Variants in GPR158 observed in about 807,000 individuals in gnomAD.
The protein encoded by GPR158 is metabotropic glycine receptor.
GPR158 carries 30 observed loss-of-function variants against 78.2 expected under a neutral mutation model. That is an observed-to-expected ratio of 0.38 (90% CI 0.29 to 0.52). GPR158 has a LOEUF of 0.52. Ranked by LOEUF, GPR158 falls within the 20% of genes least tolerant of loss-of-function variation. GPR158 has a pLI of 0.83. For missense variants in GPR158, 1,463 were observed against 1,523.5 expected (o/e 0.96, Z 0.66); for synonymous variants, 581 against 591.1 (o/e 0.98, Z 0.25).
intron 2 of GPR158, among the ~76,000 whole-genome samples, chr10:25,338,526 T>TATAA (rs1564426318): frequency 8.8e-5 from 9 of 102,760 alleles, no homozygotes; most frequent in South Asian, 3.2e-4. Flanking sequence ...TATACGTATA[T>TATAA]TACGTATATT....
At chr10:25,359,508 G>T (rs567408717) in intron 2 of GPR158, among the ~76,000 whole-genome samples, 1 of 152,090 alleles carries the variant, frequency 6.6e-6, no homozygotes, top group Admixed American at 6.6e-5. Context: ...AATATGTGGT[G>T]GTGGTTTTTC....
At chr10:25,512,761 A>ATGCTTT (rs969058848) in intron 5 of GPR158, among the ~76,000 whole-genome samples, 7 of 150,002 alleles carry the variant, frequency 4.7e-5, no homozygotes, top group South Asian at 4.1e-4. Flanking sequence ...ATTTTGTCAA[A>ATGCTTT]TGCTTTTTCT....
rs756016888 is a variant in GPR158, at chr10:25,598,484, C to G, written c.2858C>G (p.Thr953Ser). The G allele has an allele frequency of 6.2e-7, 1 of 1,613,944 alleles. No individual in the cohort carries two copies. The highest frequency in any genetic ancestry group is 1.7e-5 in the Admixed American group (1 of 59,986). Residue 953 changes from threonine to serine, a missense_variant, in exon 11 of 11, where the codon ACT becomes AGT. By Grantham distance (58) the Thr-to-Ser change is moderately conservative. Transcript: ENST00000376351. Reference sequence around the variant, plus strand: ...CACTCAAATTCTGATAACACAGAGACTAAAGATCCTGCCCCCCAAAACTCA... The same window carrying G: ...CACTCAAATTCTGATAACACAGAGAGTAAAGATCCTGCCCCCCAAAACTCA... ...RNHSNSDNTE[T>S]KDPAPQNSNP...
intron 7 of GPR158, among the ~76,000 whole-genome samples, chr10:25,586,681 G>A (rs1259282033): frequency 1.3e-5 from 2 of 152,116 alleles, no homozygotes; most frequent in African/African-American, 4.8e-5. Flanking sequence ...TCAAAGTGCT[G>A]GGATTACAGG....
In GPR158 at chr10:25,195,552, T is replaced by C. The variant is rs893260943; in HGVS notation, c.902+19230T>C. On this transcript the variant is annotated intron_variant, in intron 1 of 10. Transcript: ENST00000376351. ...CATTCCATTTGTTAAAGAAAATTCA[T>C]ATTTTTATTGAAGACATTCCTGGAG... 1.1e-3 allele frequency among the ~76,000 whole-genome samples: 167 copies of C among 152,196 alleles called. 1 individual carries two copies. Among genetic ancestry groups the C allele is most frequent in the Non-Finnish European group, 2.1e-4 (14 of 68,040 alleles).
chr10:25,431,711 A>G (rs373367356), intron 4 of GPR158, among the ~76,000 whole-genome samples: 5 of 151,590 alleles, frequency 3.3e-5, no homozygotes, highest in East Asian at 1.9e-4. Flanking sequence ...CCTTTGTAGG[A>G]ACATGGATGA....
chr10:25,594,455 T>C (rs1250960622), intron 9 of GPR158, 58 bp downstream of exon 9: 5 of 744,238 alleles, frequency 6.7e-6, no homozygotes, highest in East Asian at 5.4e-5. Context: ...AACATGGAGT[T>C]GTTTATCCTA....
At chr10:25,294,237 T>TC (rs1433099331) in intron 2 of GPR158, among the ~76,000 whole-genome samples, 3 of 152,132 alleles carry the variant, frequency 2.0e-5, no homozygotes, top group Non-Finnish European at 4.4e-5. Flanking sequence ...AAATAAAACA[T>TC]CTTTTTTTTT....
chr10:25,405,459 T>A (rs1241775463), intron 3 of GPR158, among the ~76,000 whole-genome samples: 2 of 151,208 alleles, frequency 1.3e-5, no homozygotes, highest in Non-Finnish European at 3.0e-5. Context: ...CTGTAATTAT[T>A]AGTTGAATTT....
intron 6 of GPR158, among the ~76,000 whole-genome samples, chr10:25,558,499 C>A (rs1160543525): frequency 6.6e-6 from 1 of 152,184 alleles, no homozygotes; most frequent in African/African-American, 2.4e-5. Context: ...TCTGCTCCTG[C>A]AAGCTGTTCA....
intron 5 of GPR158, among the ~76,000 whole-genome samples, chr10:25,491,462 G>GT (rs1177791093): frequency 6.6e-6 from 1 of 152,148 alleles, no homozygotes; most frequent in Non-Finnish European, 1.5e-5. Context: ...ATAAGCCTTT[G>GT]TTTAAGTCAC....
intron 2 of GPR158, among the ~76,000 whole-genome samples, chr10:25,277,688 C>T (rs534038608): frequency 6.6e-6 from 1 of 152,076 alleles, no homozygotes; most frequent in Non-Finnish European, 1.5e-5. Flanking sequence ...GGAGATTATA[C>T]CTAAGGCTTG....
intron 2 of GPR158, among the ~76,000 whole-genome samples, chr10:25,294,957 C>T (rs575830166): frequency 2.0e-4 from 30 of 152,288 alleles, no homozygotes; most frequent in Admixed American, 2.0e-3. Flanking sequence ...ATCATTAACA[C>T]CTGATAATAA....
chr10:25,240,648 G>A (rs1379603547), intron 2 of GPR158, among the ~76,000 whole-genome samples: 2 of 151,934 alleles, frequency 1.3e-5, no homozygotes, highest in Admixed American at 6.6e-5. Context: ...CGAATAGATG[G>A]TACTAAATGT....
At chr10:25,578,790 G>A (rs1366988694) in intron 7 of GPR158, among the ~76,000 whole-genome samples, 1 of 152,012 alleles carries the variant, frequency 6.6e-6, no homozygotes, top group East Asian at 1.9e-4. Flanking sequence ...GGCAGATCAC[G>A]AGGTCAGGAG....
chr10:25,370,083 G>A (rs1041328941), intron 2 of GPR158, among the ~76,000 whole-genome samples: 81 of 148,468 alleles, frequency 5.5e-4, no homozygotes, highest in African/African-American at 1.6e-3. Context: ...TCTTGCTAGC[G>A]GTCTATCAAT....
At chr10:25,221,206 T>G (rs371250579) in intron 2 of GPR158, 49 bp downstream of exon 2, 147 of 939,456 alleles carry the variant, frequency 1.6e-4, no homozygotes, top group Non-Finnish European at 2.4e-4. Context: ...ATACATTATT[T>G]TGAATATGTT....
rs868597914 is a variant in GPR158, at chr10:25,525,406, C to T, written c.1405-25570C>T. Among the ~76,000 whole-genome samples, 467 of 152,204 alleles carry T rather than the reference C, an allele frequency of 3.1e-3. 1 individual carries two copies. The highest frequency in any genetic ancestry group is 9.5e-3 in the African/African-American group (393 of 41,508). On this transcript the variant is annotated intron_variant, in intron 5 of 10. Transcript: ENST00000376351. ...GTTCATTAACTGATGAATGGATAAA[C>T]ACAATGTATTATATCTATACAGTGG...
intron 2 of GPR158, among the ~76,000 whole-genome samples, chr10:25,301,248 G>T (rs2130774821): frequency 6.6e-6 from 1 of 152,258 alleles, no homozygotes; most frequent in South Asian, 2.1e-4. Flanking sequence ...GACTGCCACA[G>T]CTTAGTTTCT....
Sources: gnomAD v4.1 joint callset for allele counts (sites outside exome capture counted in the v4.1 genomes callset) on GRCh38, gnomAD v4.1.1 for gene constraint, MANE v1.5 for transcripts, NCBI Gene and HGNC (gene_info 2026-07-23, HGNC 2026-07-21) for gene names.